EMC1: variants seen among roughly 807,000 people sequenced by gnomAD.
EMC1 encodes the protein ER membrane protein complex subunit 1, also known as KIAA0090.
A neutral mutation model predicts 128.8 loss-of-function variants in EMC1; 103 were observed. The observed-to-expected ratio is 0.80, with a 90% CI of 0.68 to 0.94. EMC1 has a LOEUF of 0.94. Among genes scored for constraint, EMC1 ranks in the 40% least tolerant of loss-of-function variants. The pLI, the probability that EMC1 is intolerant of heterozygous loss-of-function variation, is 0.00. For missense variants in EMC1, 1,083 were observed against 1,250.6 expected (o/e 0.87, Z 2.02); for synonymous variants, 442 against 490.4 (o/e 0.90, Z 1.30).
intron 18 of EMC1, among the ~76,000 whole-genome samples, chr1:19,225,796 G>A (rs2093468250): frequency 1.3e-5 from 2 of 150,744 alleles, no homozygotes; most frequent in African/African-American, 2.5e-5. Context: ...TCCAGCCTGG[G>A]CAACATGGCA....
At position 19,223,401 on chromosome 1, in the gene EMC1, C is replaced by A. The variant is rs1423143980; in HGVS notation, c.2371G>T (p.Val791Leu). The change falls in exon 19 of 23, where the codon GTG becomes TTG. Residue 791 changes from valine to leucine, a missense_variant. Physicochemically the swap from Val to Leu is conservative, Grantham distance 32. Coordinates refer to ENST00000477853, the MANE Select transcript of EMC1 (RefSeq NM_015047.3). ...PVHIVHSENW[V>L]VYQYWNTKAR... ...CCCTGGTAGTGACCGCTTACCACCA[C>A]CCAGTTCTCTGAATGCACGATATGG... 1 of 1,613,984 alleles carries A rather than the reference C, an allele frequency of 6.2e-7. No homozygotes were observed. The highest frequency in any genetic ancestry group is 1.7e-5 in the Admixed American group (1 of 60,022).
rs144716849 is a variant in EMC1 at position 19,238,060 on chromosome 1, G to A, written c.1169C>T (p.Thr390Met). 1,201 of 1,614,070 alleles carry A rather than the reference G, an allele frequency of 7.4e-4. 5 individuals carry two copies. In the African/African-American group the frequency reaches 0.013, roughly 18 times the overall value. ...GCTCTGTTCCAGGCTAAATGTTATC[G>A]TGGTGTCCAGCAGCCGCCGACCTGT... is the stretch of plus-strand genomic sequence containing the variant. ...VETGRRLLDT[T>M]ITFSLEQSGT... The change falls in exon 11 of 23, where the codon ACG becomes ATG. Residue 390 changes from threonine (T) to methionine (M), a missense_variant. Physicochemically the swap from Thr to Met is moderately conservative, Grantham distance 81 (BLOSUM62 -1). This residue lies in a region of EMC1 where 544 missense variants were observed against 572.4 expected (regional missense o/e 0.95). Coordinates refer to ENST00000477853, the MANE Select transcript of EMC1 (RefSeq NM_015047.3).
Position 19,239,959 on chromosome 1 carries a change from T to A in EMC1, c.813A>T (p.Gly271=), listed in dbSNP as rs776054733. 6.2e-7 allele frequency: 1 copy of A among 1,612,606 alleles called. No homozygotes were observed. Among genetic ancestry groups the A allele is most frequent in the Non-Finnish European group, 8.5e-7 (1 of 1,179,292 alleles). ...GGGTAGGCAGGACCCGGGGTTGGAA[T>A]CCACTTCCAAATTCTAAGTCGAGAG... The part of the protein sequence containing the change: ...LQSLDLEFGS[G]FQPRVLPTQP... Residue 271 remains glycine (G), a synonymous_variant, in exon 8 of 23, where the codon GGA becomes GGT. Coordinates refer to ENST00000477853, the MANE Select transcript of EMC1 (RefSeq NM_015047.3).
At chr1:19,220,723 TGTAAG>T in intron 21 of EMC1, 36 bp downstream of exon 21, 1 of 1,478,144 alleles carries the variant, frequency 6.8e-7, no homozygotes, top group East Asian at 2.3e-5. Flanking sequence ...GGTTAAGTTA[TGTAAG>T]GTCAGAGCCT....
chr1:19,230,426 C>T (rs754903849), intron 17 of EMC1, among the ~76,000 whole-genome samples: 2 of 152,122 alleles, frequency 1.3e-5, no homozygotes, highest in Non-Finnish European at 2.9e-5. Flanking sequence ...AAAAATTAGC[C>T]GGGCGCGGTG....
At chr1:19,236,092 G>A (rs567778019) in intron 12 of EMC1, among the ~76,000 whole-genome samples, 3 of 151,836 alleles carry the variant, frequency 2.0e-5, no homozygotes, top group South Asian at 2.1e-4. Flanking sequence ...AGCAGGTAAC[G>A]GGGCCGGGCA....
intron 21 of EMC1, 142 bp downstream of exon 21, chr1:19,220,622 G>C: frequency 1.8e-6 from 1 of 555,350 alleles, no homozygotes; most frequent in Non-Finnish European, 3.2e-6. Context: ...ATGAGGGCAG[G>C]TGACTTTTTC....
At chr1:19,234,063 C>T (rs2093545007) in intron 13 of EMC1, 1 of 363,588 alleles carries the variant, frequency 2.8e-6, no homozygotes, top group Non-Finnish European at 3.8e-6. Flanking sequence ...TCAACACACA[C>T]ACACACACAC....
chr1:19,239,475 G>A (rs1324886353), intron 8 of EMC1, among the ~76,000 whole-genome samples, 173 bp from the exon 9 acceptor site: 2 of 152,184 alleles, frequency 1.3e-5, no homozygotes, highest in South Asian at 2.1e-4. Flanking sequence ...TGCATCTACA[G>A]CTGAAAACAG....
At chr1:19,223,003 TTTA>T in intron 19 of EMC1, 169 bp from the exon 20 acceptor site, 1 of 599,690 alleles carries the variant, frequency 1.7e-6, no homozygotes, top group East Asian at 2.9e-5. Context: ...TCAAAGTAGT[TTTA>T]TCTAGGCTAT....
At chr1:19,231,236 T>G (rs778234432) in intron 16 of EMC1, 25 bp downstream of exon 16, 34 of 1,575,278 alleles carry the variant, frequency 2.2e-5, no homozygotes, top group Non-Finnish European at 2.8e-5. Flanking sequence ...GCTAGCATGT[T>G]CTCCATCCCC....
At chr1:19,237,111 TA>T in intron 12 of EMC1, 30 bp downstream of exon 12, 6 of 1,519,924 alleles carry the variant, frequency 3.9e-6, no homozygotes, top group South Asian at 1.1e-5. Context: ...CCTGGGGAAA[TA>T]AAAAAATGGG....
rs2093620316 is a variant in EMC1 at position 19,244,008 on chromosome 1, G to A, written c.228C>T (p.Arg76=). 2 of 1,614,064 alleles carry A rather than the reference G, an allele frequency of 1.2e-6. No individual in the cohort carries two copies. The highest frequency in any genetic ancestry group is 4.5e-5 in the East Asian group (2 of 44,880). ...CTTCTGCCGTGCCCTTGTCAACATG[G>A]CGCCACACTGAGAGACATGAAAGTT... The part of the protein sequence containing the change: ...LNSRTGEILW[R]HVDKGTAEGA... Residue 76 remains arginine (R), a synonymous_variant, in exon 3 of 23, where the codon CGC becomes CGT. Coordinates refer to ENST00000477853, the MANE Select transcript of EMC1 (RefSeq NM_015047.3).
chr1:19,231,475 AGGGATAGACCTGAAGAGCT>A lies in EMC1; in HGVS notation c.1783-72_1783-54del, dbSNP rs138826550. On this transcript the variant is annotated intron_variant, in intron 15 of 22. Coordinates refer to ENST00000477853, the MANE Select transcript of EMC1 (RefSeq NM_015047.3). ...CCAACAAGAAAAGACTGCAAATCCT[AGGGATAGACCTGAAGAGCT>A]GGGACTCCAGCTCAACAACTGTGGG... 1,401 of 1,571,716 alleles carry A rather than the reference AGGGATAGACCTGAAGAGCT, an allele frequency of 8.9e-4. 8 individuals carry two copies. In the African/African-American group the frequency reaches 0.017, roughly 19 times the overall value.
At chr1:19,220,728 G>T (rs199969526) in intron 21 of EMC1, 36 bp downstream of exon 21, 1 of 1,520,686 alleles carries the variant, frequency 6.6e-7, no homozygotes, top group Admixed American at 1.8e-5. Context: ...AGTTATGTAA[G>T]GTCAGAGCCT....
chr1:19,216,011 T>C lies in EMC1; in HGVS notation c.*3292A>G, dbSNP rs534564216. 3 of 152,232 alleles carry C rather than the reference T, an allele frequency of 2.0e-5. No homozygotes were observed. The highest frequency in any genetic ancestry group is 6.5e-5 in the Admixed American group (1 of 15,284). 9.4% of individuals were successfully genotyped at this position (152,232 alleles called of 1,614,324 possible). A position where few individuals can be genotyped will look rare whatever the true frequency, so the allele number is the denominator to read the frequency against. On this transcript the variant is annotated 3_prime_UTR_variant, in exon 23 of 23. Coordinates refer to ENST00000477853, the MANE Select transcript of EMC1 (RefSeq NM_015047.3). ...GCCTAAAAGCAAAATTTTAAATAATTAGGAATCAGGAAATGAGTCTTGGGA... is the reference window on the plus strand; with the variant it reads ...GCCTAAAAGCAAAATTTTAAATAATCAGGAATCAGGAAATGAGTCTTGGGA...
intron 1 of EMC1, among the ~76,000 whole-genome samples, chr1:19,250,882 T>C (rs1348262888): frequency 6.6e-6 from 1 of 152,186 alleles, no homozygotes; most frequent in Non-Finnish European, 1.5e-5. Flanking sequence ...GGTGAATGAA[T>C]GAATGAGTGA....
At position 19,251,459 on chromosome 1, in the gene EMC1, A is replaced by T. The variant is rs777722209; in HGVS notation, c.51T>A (p.Ile17=). Residue 17 remains isoleucine (I), a synonymous_variant, in exon 1 of 23, where the codon ATT becomes ATA. Coordinates refer to ENST00000477853, the MANE Select transcript of EMC1 (RefSeq NM_015047.3). Reference sequence around the variant, plus strand: ...GGTCTTCGTAGACCGCGGCCGCAGGAATCAGCAGCGTAGCCCAAAGCCAGA... The same window carrying T: ...GGTCTTCGTAGACCGCGGCCGCAGGTATCAGCAGCGTAGCCCAAAGCCAGA... The part of the protein sequence containing the change: ...SRFWLWATLL[I]PAAAVYEDQV... The T allele has an allele frequency of 6.8e-6, 11 of 1,614,056 alleles. No homozygotes were observed. Among genetic ancestry groups the T allele is most frequent in the African/African-American group, 6.7e-5 (5 of 74,954 alleles).
chr1:19,251,220 C>T (rs1248933435), intron 1 of EMC1, among the ~76,000 whole-genome samples, 195 bp downstream of exon 1: 1 of 152,212 alleles, frequency 6.6e-6, no homozygotes, highest in Non-Finnish European at 1.5e-5. Context: ...TGACCCCTAA[C>T]ACTTGGTTTA....
Sources: allele counts gnomAD v4.1 joint callset (sites outside exome capture counted in the v4.1 genomes callset), GRCh38; gene constraint gnomAD v4.1.1; regional missense constraint gnomAD v4.1.1; transcripts MANE v1.5; gene names NCBI Gene and HGNC (gene_info 2026-07-23, HGNC 2026-07-21).